The following PLEKHA6 variants were observed in gnomAD, a reference collection of about 807,000 sequenced individuals.
PLEKHA6 encodes pleckstrin homology domain containing A6.
A neutral mutation model predicts 116.7 loss-of-function variants in PLEKHA6; 60 were observed. The observed-to-expected ratio is 0.51, with a 90% CI of 0.42 to 0.64. The LOEUF (loss-of-function observed/expected upper bound fraction) is 0.64. Among genes scored for constraint, PLEKHA6 ranks in the 30% least tolerant of loss-of-function variants. PLEKHA6 has a pLI of 0.00. For missense variants in PLEKHA6, 1,338 were observed against 1,422.7 expected, an observed-to-expected ratio of 0.94 and a Z score of 0.96; for synonymous variants, 489 against 556.1, an observed-to-expected ratio of 0.88 and a Z score of 1.70.
intron 1 of PLEKHA6, among the ~76,000 whole-genome samples, chr1:204,376,638 CG>C (rs1186916391): frequency 1.9e-4 from 29 of 152,210 alleles, no homozygotes; most frequent in African/African-American, 6.3e-4. Flanking sequence ...TCAGCAGATG[CG>C]GGGCTGAGTC....
At chr1:204,268,420 G>T in intron 3 of PLEKHA6, 108 bp from the exon 4 acceptor site, 2 of 595,146 alleles carry the variant, frequency 3.4e-6, no homozygotes, top group Non-Finnish European at 5.4e-6. Context: ...GTTAACCCTG[G>T]GGTGCCCTCA....
intron 1 of PLEKHA6, among the ~76,000 whole-genome samples, chr1:204,296,730 C>G (rs1474922227): frequency 6.6e-6 from 1 of 152,236 alleles, no homozygotes; most frequent in Non-Finnish European, 1.5e-5. Flanking sequence ...AGAGACACCC[C>G]CACCTCACTG....
intron 1 of PLEKHA6, among the ~76,000 whole-genome samples, chr1:204,323,629 T>C (rs1262366052): frequency 2.0e-5 from 3 of 152,216 alleles, no homozygotes; most frequent in Non-Finnish European, 2.9e-5. Context: ...TTCAACAAGG[T>C]TGTACTTGTA....
In PLEKHA6 at chr1:204,347,125, A is replaced by G. The variant is rs1054477404; in HGVS notation, c.-95+12569T>C. 4.4e-6 allele frequency: 5 copies of G among 1,131,290 alleles called. No homozygotes were observed. The Admixed American group carries it at 8.4e-5, about 19-fold the overall frequency. The allele number at this position is 1,131,290 out of a possible 1,614,324, so 70.1% of individuals were successfully genotyped here. A position where few individuals can be genotyped will look rare whatever the true frequency, so the allele number is the denominator to read the frequency against. ...GGGCATTCCTTTTTGAACAGTACCC[A>G]TTCCCTTGATGTCTACAATATCACC... On this transcript the variant is annotated intron_variant, in intron 1 of 22. Transcript: ENST00000272203.
chr1:204,265,095 G>A (rs1030130005), intron 5 of PLEKHA6, 53 bp from the exon 6 acceptor site: 77 of 1,232,208 alleles, frequency 6.2e-5, no homozygotes, highest in East Asian at 3.0e-4. Context: ...GCAAGCGTGT[G>A]CGTGCGCCAG....
rs774380233 is a variant in PLEKHA6, at chr1:204,259,553, C to T, written c.712G>A (p.Gly238Ser). The change falls in exon 8 of 23, where the codon GGC becomes AGC. Residue 238 changes from glycine (G) to serine (S), a missense_variant. Around this residue, in one of 3 missense-constraint regions of PLEKHA6, gnomAD observed 1,136 missense variants for 1,163.6 expected, o/e 0.98. Coordinates refer to ENST00000272203, the MANE Select transcript of PLEKHA6 (RefSeq NM_014935.5). This position sits in a 1 kb window ranked among gnomAD's most constrained non-coding sequence, Gnocchi z 4.6. ...VKKEPPVKAN[G>S]LPAGPEPASE... ...GCTGGCTCCGGTCCAGCTGGGAGGCCATTGGCTTTCACCGGAGGCTCTTTC... is the reference window on the plus strand; with the variant it reads ...GCTGGCTCCGGTCCAGCTGGGAGGCTATTGGCTTTCACCGGAGGCTCTTTC... 1 of 1,614,106 alleles carries T rather than the reference C, an allele frequency of 6.2e-7. No individual in the cohort carries two copies. The highest frequency in any genetic ancestry group is 2.2e-5 in the East Asian group (1 of 44,884).
chr1:204,283,026 G>A lies in PLEKHA6; in HGVS notation c.-94-8217C>T, dbSNP rs6656206. Among the ~76,000 whole-genome samples the A allele has an allele frequency of 5.1e-3, 780 of 152,250 alleles. 10 individuals are homozygous for A. The highest frequency in any genetic ancestry group is 0.018 in the African/African-American group (733 of 41,524). On this transcript the variant is annotated intron_variant, in intron 1 of 22. Transcript: ENST00000272203. ...AATTATGCCCCCCCACCGCCCCGCC[G>A]CCTTCCAGCTCTGAGTTGAATCTCA...
intron 1 of PLEKHA6, among the ~76,000 whole-genome samples, chr1:204,327,547 C>A (rs963357307): frequency 6.6e-6 from 1 of 152,268 alleles, no homozygotes; most frequent in Non-Finnish European, 1.5e-5. Context: ...TTGATTGGCA[C>A]CTTGCAAGCA....
At position 204,259,231 on chromosome 1, in the gene PLEKHA6, C is replaced by T. The variant is rs138279798; in HGVS notation, c.1007+27G>A. 1,370 of 1,606,962 alleles carry T rather than the reference C, an allele frequency of 8.5e-4. 10 individuals are homozygous for T. In the African/African-American group the frequency reaches 0.016, roughly 18 times the overall value. ...GCTCTAGCCATAATACCATATCAGC[C>T]CCACCCCAGCCGCCGGCATGCCTCA... is the stretch of plus-strand genomic sequence containing the variant. On this transcript the variant is annotated intron_variant, in intron 8 of 22. Coordinates refer to ENST00000272203, the MANE Select transcript of PLEKHA6 (RefSeq NM_014935.5). This position sits in a 1 kb window ranked among gnomAD's most constrained non-coding sequence, Gnocchi z 4.6.
At chr1:204,231,042 T>C (rs1276188926) in intron 17 of PLEKHA6, among the ~76,000 whole-genome samples, 1 of 152,210 alleles carries the variant, frequency 6.6e-6, no homozygotes, top group Non-Finnish European at 1.5e-5. Flanking sequence ...CATAAGAGCA[T>C]ACACTTCTAC....
chr1:204,300,502 T>G (rs1670710671), intron 1 of PLEKHA6, among the ~76,000 whole-genome samples: 1 of 152,234 alleles, frequency 6.6e-6, no homozygotes, highest in Non-Finnish European at 1.5e-5. Context: ...CAAAGTTGAC[T>G]GAAATTTAGC....
chr1:204,338,297 A>AAAAGAATTCTTTTACATATGTG, intron 1 of PLEKHA6, among the ~76,000 whole-genome samples: 1 of 152,338 alleles, frequency 6.6e-6, no homozygotes, highest in East Asian at 1.9e-4. Context: ...AAAAGAATGT[A>AAAAGAATTCTTTTACATATGTG]AAAGAATTCT....
At position 204,247,469 on chromosome 1, in the gene PLEKHA6, G is replaced by A. The variant is rs759202137; in HGVS notation, c.1825-9C>T. ...GTGCTGTTTGTCAGGGCCTACGGGG[G>A]AAAGAGGCGTTCACTGAGAAAGCCG... On this transcript the variant is annotated splice_polypyrimidine_tract_variant and intron_variant, in intron 12 of 22. Coordinates refer to ENST00000272203, the MANE Select transcript of PLEKHA6 (RefSeq NM_014935.5). 1.3e-6 allele frequency: 2 copies of A among 1,591,600 alleles called. No homozygotes were observed. Among genetic ancestry groups the A allele is most frequent in the South Asian group, 1.1e-5 (1 of 90,588 alleles).
At chr1:204,243,155 A>G in intron 15 of PLEKHA6, 1 of 399,156 alleles carries the variant, frequency 2.5e-6, no homozygotes, top group Non-Finnish European at 4.4e-6. Context: ...CAGGAAGGGG[A>G]GCTGGGGTAG....
At chr1:204,242,952 C>G (rs979651659) in intron 15 of PLEKHA6, among the ~76,000 whole-genome samples, 1 of 152,258 alleles carries the variant, frequency 6.6e-6, no homozygotes, top group East Asian at 1.9e-4. Flanking sequence ...CTTCAACTAT[C>G]CTTTCCTTAT....
chr1:204,245,938 G>A (rs562056335), intron 13 of PLEKHA6, among the ~76,000 whole-genome samples: 40 of 152,136 alleles, frequency 2.6e-4, no homozygotes, highest in African/African-American at 9.6e-4. Flanking sequence ...TCTAGGAGAT[G>A]GCACCCCAGA....
rs191388383 is a variant in PLEKHA6 at position 204,239,268 on chromosome 1, C to T, written c.2409+2107G>A. The stretch of plus-strand genomic sequence containing the variant: ...CACATGGACTCAGCAACATGGACTT[C>T]CACTCACCAAGGCTGTCCTGGCTAT... On this transcript the variant is annotated intron_variant, in intron 17 of 22. Coordinates refer to ENST00000272203, the MANE Select transcript of PLEKHA6 (RefSeq NM_014935.5). 3.1e-3 allele frequency among the ~76,000 whole-genome samples: 473 copies of T among 152,338 alleles called. 1 individual carries two copies. Among genetic ancestry groups the T allele is most frequent in the Non-Finnish European group, 4.1e-3 (282 of 68,028 alleles).
At chr1:204,347,000 T>G in intron 1 of PLEKHA6, 3 of 1,340,544 alleles carry the variant, frequency 2.2e-6, no homozygotes, top group South Asian at 2.3e-5. Context: ...TTAATTCTCT[T>G]GGCAAGAATC....
At chr1:204,296,707 C>T (rs957075460) in intron 1 of PLEKHA6, among the ~76,000 whole-genome samples, 1 of 152,242 alleles carries the variant, frequency 6.6e-6, no homozygotes, top group African/African-American at 2.4e-5. Context: ...CCAGGCCTCC[C>T]TCTGCTTCAC....
Sources: allele counts gnomAD v4.1 joint callset (sites outside exome capture counted in the v4.1 genomes callset), GRCh38; gene constraint gnomAD v4.1.1; regional missense constraint gnomAD v4.1.1; non-coding constraint Gnocchi (gnomAD v3.1); transcripts MANE v1.5; gene names NCBI Gene and HGNC (gene_info 2026-07-23, HGNC 2026-07-21).